Variants in IGSF22 observed in about 807,000 individuals in gnomAD.
IGSF22 encodes immunoglobulin superfamily member 22, also known as immunoglobulin superfamily, member 22.
IGSF22 carries 119 observed loss-of-function variants against 127.0 expected under a neutral mutation model. The observed-to-expected ratio is 0.94, with a 90% CI of 0.81 to 1.09. IGSF22 has a LOEUF of 1.09. Ranked by LOEUF, IGSF22 falls within the 50% of genes least tolerant of loss-of-function variation. The probability of loss-of-function intolerance (pLI) is 0.00; values close to 1 mark genes in which losing one functional copy is unlikely to be tolerated. For missense variants in IGSF22, 1,518 were observed against 1,716.6 expected, an observed-to-expected ratio of 0.88 and a Z score of 2.04; for synonymous variants, 568 against 664.7, an observed-to-expected ratio of 0.85 and a Z score of 2.24.
chr11:18,717,588 G>C (rs1331997080), intron 9 of IGSF22, among the ~76,000 whole-genome samples: 3 of 152,018 alleles, frequency 2.0e-5, no homozygotes, highest in African/African-American at 7.2e-5. Flanking sequence ...TGTAGAGATG[G>C]GGTTTCACTA....
chr11:18,717,739 G>A (rs1848488230), intron 9 of IGSF22, among the ~76,000 whole-genome samples, 192 bp downstream of exon 9: 1 of 152,012 alleles, frequency 6.6e-6, no homozygotes, highest in South Asian at 2.1e-4. Context: ...CAGCCCCAAG[G>A]CACTTATTAT....
rs761860388 is a variant in IGSF22 at position 18,714,630 on chromosome 11, G to C, written c.1532-6C>G. On this transcript the variant is annotated splice_region_variant and splice_polypyrimidine_tract_variant and intron_variant, in intron 11 of 22. Transcript: ENST00000513874. ...CTTCACTGTGGCCAGACGCTCTGGG[G>C]AGAAAGGTGGGCAAGGGACTGGCTC... 1 of 1,613,692 alleles carries C rather than the reference G, an allele frequency of 6.2e-7. No homozygotes were observed. Among genetic ancestry groups the C allele is most frequent in the South Asian group, 1.1e-5 (1 of 91,078 alleles).
In IGSF22 at chr11:18,709,366, CA is replaced by C. The variant is rs780859832; in HGVS notation, c.2998+20del. On this transcript the variant is annotated intron_variant, in intron 18 of 22. Coordinates refer to ENST00000513874, the MANE Select transcript of IGSF22 (RefSeq NM_173588.4). This position sits in a 1 kb window ranked among gnomAD's most constrained non-coding sequence, Gnocchi z 4.8. ...AGGTACAATGTTGGGCATGAATCCCCAGCCCTCTCTGTGTCCTCACCTGGTG... is the reference window on the plus strand; with the variant it reads ...AGGTACAATGTTGGGCATGAATCCCCGCCCTCTCTGTGTCCTCACCTGGTG... 1 of 1,608,248 alleles carries C rather than the reference CA, an allele frequency of 6.2e-7. No individual in the cohort carries two copies. Among genetic ancestry groups the C allele is most frequent in the South Asian group, 1.1e-5 (1 of 90,776 alleles).
chr11:18,704,928 G>A (rs1848193426), intron 22 of IGSF22: 3 of 231,600 alleles, frequency 1.3e-5, no homozygotes, highest in South Asian at 1.4e-4. Context: ...CACCCACAGT[G>A]CCTTCCCTGG....
chr11:18,706,876 C>A, intron 21 of IGSF22, 38 bp downstream of exon 21: 1 of 1,438,424 alleles, frequency 7.0e-7, no homozygotes, highest in Non-Finnish European at 9.2e-7. Context: ...ACCATCAGGG[C>A]ACCCAGACTT....
rs377741662 is a variant in IGSF22 at position 18,716,904 on chromosome 11, T to C, written c.1070A>G (p.Asn357Ser). 2 of 1,614,226 alleles carry C rather than the reference T, an allele frequency of 1.2e-6. No homozygotes were observed. The highest frequency in any genetic ancestry group is 2.2e-5 in the East Asian group (1 of 44,888). ...CTTCCCATTGAACTTCCACACAAAG[T>C]TGGGCTCTTTCTTGGAGAGGCGGAT... ...FEIRLSKKEP[N>S]FVWKFNGKEL... The change falls in exon 10 of 23, where the codon AAC (asparagine) becomes AGC (serine). Residue 357 changes from asparagine to serine, a missense_variant. Asn to Ser is a conservative substitution (Grantham distance 46). Around this residue, in one of 3 missense-constraint regions of IGSF22, gnomAD observed 1,456 missense variants for 1,644.9 expected, o/e 0.89. Coordinates refer to ENST00000513874, the MANE Select transcript of IGSF22 (RefSeq NM_173588.4). This position sits in a 1 kb window ranked among gnomAD's most constrained non-coding sequence, Gnocchi z 4.5.
At chr11:18,720,019 G>A (rs1348816) in intron 6 of IGSF22, 45 bp downstream of exon 6, 12 of 1,612,466 alleles carry the variant, frequency 7.4e-6, no homozygotes, top group Non-Finnish European at 1.0e-5. Flanking sequence ...GCTTTGGCCT[G>A]GATGAGGAGA....
chr11:18,706,769 C>T (rs1183819585), intron 21 of IGSF22, 145 bp downstream of exon 21: 2 of 661,154 alleles, frequency 3.0e-6, no homozygotes, highest in South Asian at 2.6e-5. Context: ...ATATTTCCTT[C>T]TCTCCGCAGC....
rs1367860069 is a variant in IGSF22 at position 18,710,690 on chromosome 11, T to G, written c.2537A>C (p.Asn846Thr). Residue 846 changes from asparagine (N) to threonine (T), a missense_variant, in exon 16 of 23, where the codon AAC (asparagine) becomes ACC (threonine). Transcript: ENST00000513874. Reference sequence around the variant, plus strand: ...GTCCTTGTTGACTGGCACCCACAGGTTGCTGCCTTTCTTCCTTCGTTCTAC... The same window carrying G: ...GTCCTTGTTGACTGGCACCCACAGGGTGCTGCCTTTCTTCCTTCGTTCTAC... ...YIVERRKKGSNLWVPVNKDPI... is the reference protein window; with the variant it reads ...YIVERRKKGSTLWVPVNKDPI... 2 of 1,613,808 alleles carry G rather than the reference T, an allele frequency of 1.2e-6. No individual in the cohort carries two copies. The highest frequency in any genetic ancestry group is 1.1e-5 in the South Asian group (1 of 91,066).
Position 18,724,227 on chromosome 11 carries a change from T to C in IGSF22, c.10A>G (p.Ile4Val). The C allele has an allele frequency of 6.2e-7, 1 of 1,613,568 alleles. No individual in the cohort carries two copies. Among genetic ancestry groups the C allele is most frequent in the Non-Finnish European group, 8.5e-7 (1 of 1,179,564 alleles). The change falls in exon 2 of 23, where the codon ATT (isoleucine) becomes GTT (valine). Residue 4 changes from isoleucine (I) to valine (V), a missense_variant. Around this residue, in one of 3 missense-constraint regions of IGSF22, gnomAD observed 1,456 missense variants for 1,644.9 expected, o/e 0.89. Coordinates refer to ENST00000513874, the MANE Select transcript of IGSF22 (RefSeq NM_173588.4). MTT[I>V]HSRQMLQEHV... is the part of the protein sequence containing the mutation. The stretch of plus-strand genomic sequence containing the variant: ...TCCTGCAGCATCTGCCGGCTGTGAA[T>C]GGTTGTCATGGTGACAGCAGGCGTG...
intron 15 of IGSF22, among the ~76,000 whole-genome samples, chr11:18,711,266 G>A (rs576491428): frequency 2.6e-5 from 4 of 152,262 alleles, no homozygotes; most frequent in East Asian, 3.9e-4. Context: ...ATGTATAGCC[G>A]ACATTGAGAA....
chr11:18,720,380 G>C lies in IGSF22; in HGVS notation c.379-95C>G, dbSNP rs566310967. Reference sequence around the variant, plus strand: ...TAGGAGGCCTTTTTTTTTTTTAGGGGACAATAGGAACTGACTGTTGGGTAT... The same window carrying C: ...TAGGAGGCCTTTTTTTTTTTTAGGGCACAATAGGAACTGACTGTTGGGTAT... On this transcript the variant is annotated intron_variant, in intron 4 of 22. Transcript: ENST00000513874. 5 of 821,720 alleles carry C rather than the reference G, an allele frequency of 6.1e-6. No homozygotes were observed. The East Asian group carries it at 7.8e-5, about 13-fold the overall frequency. The allele number at this position is 821,720 out of a possible 1,614,324, so 50.9% of individuals were successfully genotyped here.
intron 20 of IGSF22, 144 bp downstream of exon 20, chr11:18,707,660 A>G (rs944739727): frequency 2.1e-5 from 14 of 661,550 alleles, no homozygotes; most frequent in Non-Finnish European, 3.3e-5. Context: ...TCTGTATGAT[A>G]AAGTCTTGCT....
chr11:18,718,613 A>G lies in IGSF22; in HGVS notation c.810+2T>C. On this transcript the variant is annotated splice_donor_variant, in intron 8 of 22. Coordinates refer to ENST00000513874, the MANE Select transcript of IGSF22 (RefSeq NM_173588.4). LOFTEE classifies it high-confidence loss of function. ...GGTGGACCCTGGCTAGGCATCCCCC[A>G]CCTTGATCCATATCATCTTGACATT... is the stretch of plus-strand genomic sequence containing the variant. The G allele has an allele frequency of 6.4e-7, 1 of 1,570,926 alleles. No homozygotes were observed. The highest frequency in any genetic ancestry group is 8.8e-7 in the Non-Finnish European group (1 of 1,140,558).
At chr11:18,717,139 A>G (rs1848478349) in intron 9 of IGSF22, 139 bp from the exon 10 acceptor site, 1 of 860,078 alleles carries the variant, frequency 1.2e-6, no homozygotes, top group Admixed American at 2.8e-5. Flanking sequence ...TTTGTTTTCG[A>G]GCCCTTCTCT....
At chr11:18,723,269 C>A (rs1177195197) in intron 2 of IGSF22, among the ~76,000 whole-genome samples, 1 of 152,242 alleles carries the variant, frequency 6.6e-6, no homozygotes, top group Non-Finnish European at 1.5e-5. Flanking sequence ...CTCCTCACAC[C>A]CCCTGCACTA....
chr11:18,714,197 C>G, intron 13 of IGSF22, 49 bp from the exon 14 acceptor site: 1 of 1,594,594 alleles, frequency 6.3e-7, no homozygotes, highest in East Asian at 2.2e-5. Flanking sequence ...ATGGAGGAGC[C>G]CATGGGGCGG....
chr11:18,714,097 A>G lies in IGSF22; in HGVS notation c.1850T>C (p.Ile617Thr), dbSNP rs927932708. 1 of 1,614,094 alleles carries G rather than the reference A, an allele frequency of 6.2e-7. No individual in the cohort carries two copies. The highest frequency in any genetic ancestry group is 1.3e-5 in the African/African-American group (1 of 74,930). ...GGCCGTGTGGCCTACCTTCACAGTG[A>G]TGGCGTGCGCAGCCAGTGCCTCCAG... ...SVLEALAAHA[I>T]TVKVGHTAHI... is the part of the protein sequence containing the mutation. Residue 617 changes from isoleucine (I) to threonine (T), a missense_variant, in exon 14 of 23, where the codon ATC becomes ACC. Around this residue, in one of 3 missense-constraint regions of IGSF22, gnomAD observed 1,456 missense variants for 1,644.9 expected, o/e 0.89. Coordinates refer to ENST00000513874, the MANE Select transcript of IGSF22 (RefSeq NM_173588.4).
rs1867877 is a variant in IGSF22, at chr11:18,705,901, T to C, written c.3826A>G (p.Thr1276Ala). ...GVCTLVIPTC[T>A]LKDSGDYSVL... is the part of the protein sequence containing the mutation. ...CTGTAATCGCCGCTGTCCTTGAGCG[T>C]GCAGGTGGGGATGACGAGGGTGCAC... The change falls in exon 22 of 23, where the codon ACG becomes GCG. Residue 1276 changes from threonine to alanine, a missense_variant. By Grantham distance (58) the Thr-to-Ala change is moderately conservative. Coordinates refer to ENST00000513874, the MANE Select transcript of IGSF22 (RefSeq NM_173588.4). The C allele has an allele frequency of 0.048, 74,042 of 1,551,654 alleles. 1,984 individuals are homozygous for C. The highest frequency in any genetic ancestry group is 0.055 in the Non-Finnish European group (63,180 of 1,146,972).
Sources: gnomAD v4.1 joint callset for allele counts (sites outside exome capture counted in the v4.1 genomes callset) on GRCh38, gnomAD v4.1.1 for gene constraint, gnomAD v4.1.1 regional missense constraint, Gnocchi (gnomAD v3.1) non-coding constraint, MANE v1.5 for transcripts, NCBI Gene and HGNC (gene_info 2026-07-23, HGNC 2026-07-21) for gene names.